Variants in NEDD9 observed in about 807,000 individuals in gnomAD.
The protein encoded by NEDD9 is enhancer of filamentation 1.
A neutral mutation model predicts 76.6 loss-of-function variants in NEDD9; 26 were observed. The observed-to-expected ratio is 0.34, with a 90% CI of 0.25 to 0.47. The LOEUF (loss-of-function observed/expected upper bound fraction) is 0.47, where lower values mean the gene tolerates loss of function less well. Ranked by LOEUF, NEDD9 falls within the 20% of genes least tolerant of loss-of-function variation. The probability of loss-of-function intolerance (pLI) is 1.00; values close to 1 mark genes in which losing one functional copy is unlikely to be tolerated. For synonymous variants in NEDD9, 392 were observed against 414.2 expected (o/e 0.95, Z 0.65); for missense variants, 937 against 1,058.5 (o/e 0.89, Z 1.59).
chr6:11,229,286 GC>G (rs1407096257), intron 1 of NEDD9, among the ~76,000 whole-genome samples: 4 of 152,230 alleles, frequency 2.6e-5, no homozygotes, highest in Non-Finnish European at 5.9e-5. Context: ...TTTAATGTAG[GC>G]ACGTAAGGGC....
intron 1 of NEDD9, among the ~76,000 whole-genome samples, chr6:11,335,267 G>A (rs1412019156): frequency 2.6e-5 from 4 of 152,166 alleles, no homozygotes; most frequent in South Asian, 2.1e-4. Context: ...TGGTTGGACC[G>A]AGAAGAAGCT....
chr6:11,275,265 A>C (rs1462635710), intron 3 of NEDD9, among the ~76,000 whole-genome samples: 3 of 152,182 alleles, frequency 2.0e-5, no homozygotes, highest in Admixed American at 6.5e-5. Context: ...AGGTACAGGG[A>C]TTGAGGAAAT....
At chr6:11,307,482 T>C (rs1761222921) in intron 2 of NEDD9, among the ~76,000 whole-genome samples, 1 of 152,010 alleles carries the variant, frequency 6.6e-6, no homozygotes, top group African/African-American at 2.4e-5. Context: ...AAAAGGGAGA[T>C]TTACTGCGTT....
At chr6:11,227,295 C>T (rs899531807) in intron 1 of NEDD9, among the ~76,000 whole-genome samples, 9 of 152,198 alleles carry the variant, frequency 5.9e-5, no homozygotes, top group African/African-American at 2.2e-4. Flanking sequence ...CTTTCAACAT[C>T]TATTGAGCAT....
chr6:11,322,713 C>T (rs866343870), intron 2 of NEDD9, among the ~76,000 whole-genome samples: 1 of 152,212 alleles, frequency 6.6e-6, no homozygotes, highest in South Asian at 2.1e-4. Flanking sequence ...CCTGCACAGT[C>T]ATTACCGGAA....
At position 11,213,243 on chromosome 6, in the gene NEDD9, AT is replaced by A; in HGVS notation, c.459+37del. ...GCTCCAAGTGTAATGGGAAAAAAAA[AT>A]AAGTAGGAACAAAAATTTAGTTAGT... is the stretch of plus-strand genomic sequence containing the variant. On this transcript the variant is annotated intron_variant, in intron 2 of 6. Coordinates refer to ENST00000379446, the MANE Select transcript of NEDD9 (RefSeq NM_006403.4). This position sits in a 1 kb window ranked among gnomAD's most constrained non-coding sequence, Gnocchi z 5.4. 1 of 1,533,344 alleles carries A rather than the reference AT, an allele frequency of 6.5e-7. No individual in the cohort carries two copies. Among genetic ancestry groups the A allele is most frequent in the Non-Finnish European group, 8.8e-7 (1 of 1,138,508 alleles). The allele number at this position is 1,533,344 out of a possible 1,614,324, so 95.0% of individuals were successfully genotyped here.
At chr6:11,291,991 C>T (rs1760785768) in intron 3 of NEDD9, among the ~76,000 whole-genome samples, 1 of 152,068 alleles carries the variant, frequency 6.6e-6, no homozygotes, top group African/African-American at 2.4e-5. Flanking sequence ...GTGCTGCTTC[C>T]AGAATCTTTT....
intron 3 of NEDD9, among the ~76,000 whole-genome samples, chr6:11,285,993 G>C (rs1320334718): frequency 6.6e-6 from 1 of 152,028 alleles, no homozygotes; most frequent in Non-Finnish European, 1.5e-5. Flanking sequence ...TTAATAAATA[G>C]GACTTCATAA....
chr6:11,351,675 C>T (rs753965305), intron 1 of NEDD9, among the ~76,000 whole-genome samples: 1 of 152,186 alleles, frequency 6.6e-6, no homozygotes, highest in African/African-American at 2.4e-5. Context: ...GGTTATCACC[C>T]GCTTTGCTCG....
intron 1 of NEDD9, among the ~76,000 whole-genome samples, chr6:11,378,769 C>T (rs1763010606): frequency 6.6e-6 from 1 of 152,108 alleles, no homozygotes; most frequent in Admixed American, 6.5e-5. Flanking sequence ...ATTCATTGAC[C>T]TCTAGTTAAG....
At chr6:11,228,819 C>T (rs1263735874) in intron 1 of NEDD9, among the ~76,000 whole-genome samples, 1 of 152,068 alleles carries the variant, frequency 6.6e-6, no homozygotes, top group Non-Finnish European at 1.5e-5. Context: ...CATAAATAAC[C>T]AAGTTGATAT....
At chr6:11,368,192 TG>T (rs1762801642) in intron 1 of NEDD9, among the ~76,000 whole-genome samples, 2 of 152,186 alleles carry the variant, frequency 1.3e-5, no homozygotes, top group South Asian at 2.1e-4. Flanking sequence ...ACACCAGGGC[TG>T]GGGGGTACCC....
intron 2 of NEDD9, among the ~76,000 whole-genome samples, chr6:11,321,597 C>T (rs1423681824): frequency 6.6e-6 from 1 of 152,188 alleles, no homozygotes; most frequent in Non-Finnish European, 1.5e-5. Context: ...AGACCTGAAC[C>T]TCAGGAGATC....
intron 2 of NEDD9, among the ~76,000 whole-genome samples, chr6:11,326,186 C>T (rs1449203071): frequency 6.6e-6 from 1 of 151,884 alleles, no homozygotes; most frequent in Non-Finnish European, 1.5e-5. Context: ...AAAAAAAACC[C>T]CAAGTTTCTC....
At chr6:11,361,294 A>G (rs1411297149) in intron 1 of NEDD9, among the ~76,000 whole-genome samples, 1 of 152,136 alleles carries the variant, frequency 6.6e-6, no homozygotes, top group Non-Finnish European at 1.5e-5. Flanking sequence ...CTATAAGGAA[A>G]TGCCCGAGAC....
At position 11,241,197 on chromosome 6, in the gene NEDD9, C is replaced by T. The variant is rs1003285532; in HGVS notation, c.13-27470G>A. Among the ~76,000 whole-genome samples, 3 of 152,198 alleles carry T rather than the reference C, an allele frequency of 2.0e-5. No individual in the cohort carries two copies. The highest frequency in any genetic ancestry group is 7.2e-5 in the African/African-American group (3 of 41,450). ...CCTCTTTCCGGAGGCACTGCCCAAA[C>T]ACAATCATCTTGGTGCATACTACCT... On this transcript the variant is annotated intron_variant, in intron 3 of 3. Transcript: ENST00000397378. This position sits in a 1 kb window ranked among gnomAD's most constrained non-coding sequence, Gnocchi z 4.0.
At chr6:11,228,564 G>T (rs115171072) in intron 1 of NEDD9, among the ~76,000 whole-genome samples, 1 of 151,322 alleles carries the variant, frequency 6.6e-6, no homozygotes, top group Non-Finnish European at 1.5e-5. Flanking sequence ...AGAGGAAGGT[G>T]TTTTTTTCAG....
chr6:11,379,888 T>C (rs1763031461), intron 1 of NEDD9, among the ~76,000 whole-genome samples: 1 of 152,276 alleles, frequency 6.6e-6, no homozygotes, highest in African/African-American at 2.4e-5. Context: ...TATCTTGTGC[T>C]ATATAAAATT....
At chr6:11,331,176 A>G (rs908316137) in intron 2 of NEDD9, among the ~76,000 whole-genome samples, 1 of 152,252 alleles carries the variant, frequency 6.6e-6, no homozygotes, top group African/African-American at 2.4e-5. Flanking sequence ...TCCATGGGGA[A>G]CAGTGGAGAC....
Sources: gnomAD v4.1 joint callset for allele counts (sites outside exome capture counted in the v4.1 genomes callset) on GRCh38, gnomAD v4.1.1 for gene constraint, Gnocchi (gnomAD v3.1) non-coding constraint, MANE v1.5 for transcripts, NCBI Gene and HGNC (gene_info 2026-07-23, HGNC 2026-07-21) for gene names.